Variants in GABBR2 observed in about 807,000 individuals in gnomAD.
The protein encoded by GABBR2 is gamma-aminobutyric acid type B receptor subunit 2.
GABBR2 carries 23 observed loss-of-function variants against 105.6 expected under a neutral mutation model. That is an observed-to-expected ratio of 0.22 (90% CI 0.16 to 0.31). GABBR2 has a LOEUF of 0.31. Among genes scored for constraint, GABBR2 ranks in the 10% least tolerant of loss-of-function variants. The probability of loss-of-function intolerance (pLI) is 1.00; values close to 1 mark genes in which losing one functional copy is unlikely to be tolerated. For missense variants in GABBR2, 734 were observed against 1,245.5 expected (o/e 0.59, Z 6.18); for synonymous variants, 478 against 499.7 (o/e 0.96, Z 0.58).
chr9:98,547,307 AT>A (rs1828419436), intron 2 of GABBR2, among the ~76,000 whole-genome samples: 1 of 116,940 alleles, frequency 8.6e-6, no homozygotes, highest in African/African-American at 2.7e-5. Flanking sequence ...TATTGTGTAT[AT>A]TGTTTTATAT....
chr9:98,571,906 A>T (rs571574305), intron 2 of GABBR2, among the ~76,000 whole-genome samples: 1 of 152,216 alleles, frequency 6.6e-6, no homozygotes, highest in South Asian at 2.1e-4. Context: ...GACCAGCAAA[A>T]TCTATCAAAG....
At chr9:98,613,629 C>T (rs1285154999) in intron 1 of GABBR2, among the ~76,000 whole-genome samples, 1 of 152,226 alleles carries the variant, frequency 6.6e-6, no homozygotes, top group African/African-American at 2.4e-5. Context: ...GCAGACATCT[C>T]TTCAGTAACA....
intron 5 of GABBR2, among the ~76,000 whole-genome samples, chr9:98,475,789 C>CT (rs1198961018): frequency 1.3e-5 from 2 of 152,184 alleles, no homozygotes; most frequent in Admixed American, 6.5e-5. Context: ...TACAGAGTGG[C>CT]TGGGCGCGTT....
At chr9:98,708,322 C>T (rs954921492) in intron 1 of GABBR2, 95 bp downstream of exon 1, 1 of 1,235,784 alleles carries the variant, frequency 8.1e-7, no homozygotes, top group African/African-American at 1.6e-5. Context: ...GCCGGTCAAT[C>T]GGGGATCTGA....
At chr9:98,381,131 C>T (rs1831967823) in intron 11 of GABBR2, among the ~76,000 whole-genome samples, 1 of 152,238 alleles carries the variant, frequency 6.6e-6, no homozygotes, top group South Asian at 2.1e-4. Flanking sequence ...CTACATCCCT[C>T]CATGCAGCAC....
At chr9:98,497,334 C>T (rs2131672358) in intron 3 of GABBR2, among the ~76,000 whole-genome samples, 1 of 152,128 alleles carries the variant, frequency 6.6e-6, no homozygotes, top group East Asian at 1.9e-4. Context: ...TCAAGGGTTA[C>T]CAGACCTTCT....
chr9:98,700,345 C>T (rs1045327470), intron 1 of GABBR2, among the ~76,000 whole-genome samples: 1 of 152,170 alleles, frequency 6.6e-6, no homozygotes, highest in African/African-American at 2.4e-5. Flanking sequence ...AGCTGCAACA[C>T]CTTTAAGACC....
intron 3 of GABBR2, among the ~76,000 whole-genome samples, chr9:98,508,043 T>G (rs1172978153): frequency 6.6e-6 from 1 of 152,186 alleles, no homozygotes; most frequent in Non-Finnish European, 1.5e-5. Context: ...TTGCTTTCCT[T>G]GTGACAAACT....
intron 7 of GABBR2, among the ~76,000 whole-genome samples, chr9:98,429,342 T>C (rs1202406369): frequency 6.6e-6 from 1 of 152,066 alleles, no homozygotes; most frequent in African/African-American, 2.4e-5. Context: ...GGTTTCACCA[T>C]GCTGGCCAGG....
rs186906371 is a variant in GABBR2 at position 98,702,584 on chromosome 9, C to A, written c.321+5833G>T. ...GACACAGCATTCAAGGCCGTCCACG[C>A]CCAGCACCAGCTACCTTTTCCCTCT... On this transcript the variant is annotated intron_variant, in intron 1 of 18. Coordinates refer to ENST00000259455, the MANE Select transcript of GABBR2 (RefSeq NM_005458.8). 2.8e-4 allele frequency among the ~76,000 whole-genome samples: 43 copies of A among 152,326 alleles called. No homozygotes were observed. In the East Asian group the frequency reaches 7.9e-3, roughly 28 times the overall value.
At chr9:98,413,646 A>G (rs1439886221) in intron 7 of GABBR2, among the ~76,000 whole-genome samples, 1 of 152,226 alleles carries the variant, frequency 6.6e-6, no homozygotes, top group Non-Finnish European at 1.5e-5. Flanking sequence ...GGTCTGTCCC[A>G]CTGCCAGCCT....
intron 11 of GABBR2, 42 bp downstream of exon 11, chr9:98,385,598 A>G (rs1832058051): frequency 1.9e-6 from 3 of 1,573,694 alleles, no homozygotes; most frequent in Non-Finnish European, 2.6e-6. Context: ...TCACCAAGGA[A>G]ACTTTCTATC....
At chr9:98,680,141 TCTTCCAG>T (rs1448487711) in intron 1 of GABBR2, among the ~76,000 whole-genome samples, 1 of 152,192 alleles carries the variant, frequency 6.6e-6, no homozygotes, top group Non-Finnish European at 1.5e-5. Flanking sequence ...ACTACGATTT[TCTTCCAG>T]AGGCATATGA....
chr9:98,568,693 C>G (rs1425140723), intron 2 of GABBR2, among the ~76,000 whole-genome samples: 2 of 152,210 alleles, frequency 1.3e-5, no homozygotes, highest in Non-Finnish European at 2.9e-5. Context: ...TGCCCCACAG[C>G]CCTGTGTCCT....
chr9:98,362,404 G>A (rs556095509), intron 13 of GABBR2, among the ~76,000 whole-genome samples: 5 of 152,032 alleles, frequency 3.3e-5, no homozygotes, highest in Non-Finnish European at 7.4e-5. Context: ...TTTAAAATTG[G>A]GATAAATATG....
intron 1 of GABBR2, among the ~76,000 whole-genome samples, chr9:98,628,649 T>C (rs1052613640): frequency 1.3e-5 from 2 of 152,222 alleles, no homozygotes; most frequent in Non-Finnish European, 2.9e-5. Context: ...GTCTGTTGTC[T>C]GTGTGATCCA....
chr9:98,537,182 C>T (rs1564107837), intron 3 of GABBR2, among the ~76,000 whole-genome samples: 2 of 152,144 alleles, frequency 1.3e-5, no homozygotes, highest in East Asian at 3.9e-4. Flanking sequence ...CCCAGATGCT[C>T]CATCCATACA....
rs1208378412 is a variant in GABBR2 at position 98,436,345 on chromosome 9, CACCATATATATATATATA to C, written c.1236+17618_1236+17635del. ...ATATATATATATACACACACACACA[CACCATATATATATATATA>C]TATATATATATATATATATATATAT... On this transcript the variant is annotated intron_variant, in intron 7 of 18. Transcript: ENST00000259455. 4.5e-5 allele frequency among the ~76,000 whole-genome samples: 2 copies of C among 44,924 alleles called. 1 individual carries two copies. The highest frequency in any genetic ancestry group is 7.4e-5 in the Non-Finnish European group (2 of 27,026). 29.5% of individuals were successfully genotyped at this position (44,924 alleles called of 152,430 possible).
intron 1 of GABBR2, among the ~76,000 whole-genome samples, chr9:98,630,932 C>T (rs1476857199): frequency 6.6e-6 from 1 of 152,174 alleles, no homozygotes; most frequent in East Asian, 1.9e-4. Flanking sequence ...CGTTATTACA[C>T]TAACCCCATT....
Sources: allele counts gnomAD v4.1 joint callset (sites outside exome capture counted in the v4.1 genomes callset), GRCh38; gene constraint gnomAD v4.1.1; transcripts MANE v1.5; gene names NCBI Gene and HGNC (gene_info 2026-07-23, HGNC 2026-07-21).